The following MYH11 variants were observed in gnomAD, a reference collection of about 807,000 sequenced individuals.
MYH11 encodes the protein myosin-11.
MYH11 carries 80 observed loss-of-function variants against 246.6 expected under a neutral mutation model. The observed-to-expected ratio is 0.32, with a 90% CI of 0.27 to 0.39. The LOEUF (loss-of-function observed/expected upper bound fraction) is 0.39. MYH11 is among the 10% of genes least tolerant of loss of function. The pLI is 1.00. For synonymous variants in MYH11, 1,071 were observed against 1,015.5 expected, an observed-to-expected ratio of 1.05 and a Z score of -1.04; for missense variants, 2,158 against 2,546.8, an observed-to-expected ratio of 0.85 and a Z score of 3.29.
chr16:15,848,324 T>G (rs1274993520), intron 1 of MYH11, among the ~76,000 whole-genome samples: 1 of 151,094 alleles, frequency 6.6e-6, no homozygotes, highest in Non-Finnish European at 1.5e-5. Flanking sequence ...CCTCCACGTT[T>G]CTGGGTTCAA....
At chr16:15,773,044 G>A (rs143628675) in intron 8 of MYH11, among the ~76,000 whole-genome samples, 8 of 152,078 alleles carry the variant, frequency 5.3e-5, no homozygotes, top group Middle Eastern at 3.4e-3. Context: ...TGTAATACAC[G>A]TGAATCATCC....
At position 15,780,474 on chromosome 16, in the gene MYH11, C is replaced by CTTTTTTTTT. The variant is rs71134460; in HGVS notation, c.727-1640_727-1632dup. 2.9e-4 allele frequency among the ~76,000 whole-genome samples: 20 copies of CTTTTTTTTT among 69,002 alleles called. 1 individual carries two copies. Among genetic ancestry groups the CTTTTTTTTT allele is most frequent in the African/African-American group, 8.6e-4 (14 of 16,314 alleles). The allele number at this position is 69,002 out of a possible 152,430, so 45.3% of individuals were successfully genotyped here. A position where few individuals can be genotyped will look rare whatever the true frequency, so the allele number is the denominator to read the frequency against. ...ACCTTTATGACTTTAGATTTTTACG[C>CTTTTTTTTT]TTTTTTTTTTTTTTTTTTTTTTTTG... On this transcript the variant is annotated intron_variant, in intron 6 of 40. Coordinates refer to ENST00000300036, the MANE Select transcript of MYH11 (RefSeq NM_002474.3).
In MYH11 at chr16:15,842,762, C is replaced by CAAAAAAAAAAA. The variant is rs757920488; in HGVS notation, c.-17-4504_-17-4494dup. ...CCAGGCAACAGAGCAAGACTTCATC[C>CAAAAAAAAAAA]AAAAAAAAAAAAAAAAAAAAAAAAA... On this transcript the variant is annotated intron_variant, in intron 1 of 40. Coordinates refer to ENST00000300036, the MANE Select transcript of MYH11 (RefSeq NM_002474.3). 3.0e-4 allele frequency among the ~76,000 whole-genome samples: 6 copies of CAAAAAAAAAAA among 19,674 alleles called. 2 individuals carry two copies. The highest frequency in any genetic ancestry group is 6.5e-4 in the African/African-American group (6 of 9,196). 12.9% of individuals were successfully genotyped at this position (19,674 alleles called of 152,430 possible). A position where few individuals can be genotyped will look rare whatever the true frequency, so the allele number is the denominator to read the frequency against.
chr16:15,845,846 C>A (rs1457750978), intron 1 of MYH11, among the ~76,000 whole-genome samples: 1 of 152,082 alleles, frequency 6.6e-6, no homozygotes, highest in Non-Finnish European at 1.5e-5. Context: ...AATCCCAGAA[C>A]TTTGGGAGGC....
At chr16:15,815,451 A>G (rs2043241287) in intron 3 of MYH11, among the ~76,000 whole-genome samples, 2 of 152,200 alleles carry the variant, frequency 1.3e-5, no homozygotes, top group Non-Finnish European at 2.9e-5. Flanking sequence ...GGTTAGGGAA[A>G]AAAGTTGAGG....
At chr16:15,717,459 G>C (rs545733842) in intron 37 of MYH11, 111 bp from the exon 38 acceptor site, 8 of 1,116,518 alleles carry the variant, frequency 7.2e-6, no homozygotes, top group Admixed American at 4.0e-5. Context: ...CCTTGATCCC[G>C]GGCACCCTGT....
At chr16:15,736,080 G>T (rs561245486) in intron 25 of MYH11, among the ~76,000 whole-genome samples, 4 of 152,330 alleles carry the variant, frequency 2.6e-5, no homozygotes, top group African/African-American at 7.2e-5. Flanking sequence ...AAGGTGGGCT[G>T]CAAGAAGCCC....
chr16:15,819,594 C>T (rs2043350425), intron 3 of MYH11, among the ~76,000 whole-genome samples: 1 of 152,180 alleles, frequency 6.6e-6, no homozygotes, highest in African/African-American at 2.4e-5. Flanking sequence ...TCTCCCATCA[C>T]CCCCAGATGG....
intron 20 of MYH11, among the ~76,000 whole-genome samples, chr16:15,744,428 T>A (rs980914887): frequency 1.3e-5 from 2 of 151,860 alleles, no homozygotes; most frequent in Non-Finnish European, 2.9e-5. Context: ...TTCTTGACTT[T>A]GTGATCCACC....
intron 27 of MYH11, chr16:15,732,338 GA>G (rs2040989962): frequency 1.6e-6 from 1 of 630,700 alleles, no homozygotes; most frequent in Admixed American, 2.6e-5. Flanking sequence ...GAGCTCAAGC[GA>G]TCCTCCCGCC....
At position 15,724,330 on chromosome 16, in the gene MYH11, T is replaced by G. The variant is rs748003956; in HGVS notation, c.4196A>C (p.Lys1399Thr). Residue 1399 changes from lysine to threonine, a missense_variant, in exon 31 of 41, where the codon AAG becomes ACG. Coordinates refer to ENST00000300036, the MANE Select transcript of MYH11 (RefSeq NM_002474.3). Reference sequence around the variant, plus strand: ...CTGCTGGGTGAGGTTCTCGATCTCCTTCTGGAACCTCTTCTTCCCCTCTTC... The same window carrying G: ...CTGCTGGGTGAGGTTCTCGATCTCCGTCTGGAACCTCTTCTTCCCCTCTTC... Reference protein sequence around the residue: ...ALEEGKKRFQKEIENLTQQYE... With the variant: ...ALEEGKKRFQTEIENLTQQYE... 1 of 1,614,172 alleles carries G rather than the reference T, an allele frequency of 6.2e-7. No individual in the cohort carries two copies. The highest frequency in any genetic ancestry group is 1.1e-5 in the South Asian group (1 of 91,090).
intron 3 of MYH11, among the ~76,000 whole-genome samples, chr16:15,803,540 G>C (rs2042938392): frequency 1.3e-5 from 2 of 152,088 alleles, no homozygotes; most frequent in Admixed American, 1.3e-4. Context: ...GCCTCCCAAA[G>C]TACTAAAAAG....
Position 15,708,122 on chromosome 16 carries a change from T to G in MYH11, c.5787-3999A>C, listed in dbSNP as rs1596673157. On this transcript the variant is annotated intron_variant, in intron 40 of 40. Coordinates refer to ENST00000300036, the MANE Select transcript of MYH11 (RefSeq NM_002474.3). ...TCCAGAAAAGGCTCTGCCAGGACTG[T>G]GCTTGGCTTTGCGGTGGTCAGCTTC... Among the ~76,000 whole-genome samples, 5 of 152,236 alleles carry G rather than the reference T, an allele frequency of 3.3e-5. No individual in the cohort carries two copies. The South Asian group carries it at 8.3e-4, about 25-fold the overall frequency.
rs2042013098 is a variant in MYH11, at chr16:15,767,661, T to C, written c.1034-3770A>G. Among the ~76,000 whole-genome samples, 3 of 152,154 alleles carry C rather than the reference T, an allele frequency of 2.0e-5. No homozygotes were observed. The South Asian group carries it at 6.2e-4, about 32-fold the overall frequency. The stretch of plus-strand genomic sequence containing the variant: ...TTTGGAAAAAATCGGTCTTCGCAGA[T>C]GGAATCAAGTACAAGATCTCAAGAT... On this transcript the variant is annotated intron_variant, in intron 9 of 40. Transcript: ENST00000300036.
chr16:15,772,291 C>T (rs944210026), intron 8 of MYH11, among the ~76,000 whole-genome samples: 1 of 151,806 alleles, frequency 6.6e-6, no homozygotes, highest in Non-Finnish European at 1.5e-5. Flanking sequence ...GGGGTTTCAC[C>T]ATGTTGACCA....
Position 15,724,730 on chromosome 16 carries a change from G to A in MYH11, c.4033C>T (p.Arg1345Trp), listed in dbSNP as rs1378528408. The stretch of plus-strand genomic sequence containing the variant: ...TCCAGCTGGTCTTGCAGGCTGTTCC[G>A]CTCCTCCTCCAGCTGGCGCAGCTTC... ...STKLRQLEEERNSLQDQLDEE... is the reference protein window; with the variant it reads ...STKLRQLEEEWNSLQDQLDEE... Residue 1345 changes from arginine (R) to tryptophan (W), a missense_variant, in exon 30 of 41, where the codon CGG becomes TGG. By Grantham distance (101) the Arg-to-Trp change is moderately radical. Transcript: ENST00000300036. 2.5e-6 allele frequency: 4 copies of A among 1,614,146 alleles called. No homozygotes were observed. Among genetic ancestry groups the A allele is most frequent in the Admixed American group, 1.7e-5 (1 of 60,018 alleles).
At chr16:15,737,695 C>T in intron 24 of MYH11, 75 bp from the exon 25 acceptor site, 1 of 1,550,180 alleles carries the variant, frequency 6.5e-7, no homozygotes, top group Non-Finnish European at 8.8e-7. Context: ...CCTGCCCAGG[C>T]ATTTTACCCG....
intron 40 of MYH11, among the ~76,000 whole-genome samples, chr16:15,711,840 G>A (rs767748812): frequency 5.3e-5 from 8 of 152,012 alleles, no homozygotes; most frequent in Non-Finnish European, 7.4e-5. Context: ...TTACAGGCAC[G>A]CCCCACCATA....
chr16:15,851,080 T>C (rs1442877494), intron 1 of MYH11, among the ~76,000 whole-genome samples: 2 of 151,948 alleles, frequency 1.3e-5, no homozygotes, highest in Non-Finnish European at 2.9e-5. Flanking sequence ...AATAAACGAA[T>C]GAATGAATGC....
Sources: gnomAD v4.1 joint callset for allele counts (sites outside exome capture counted in the v4.1 genomes callset) on GRCh38, gnomAD v4.1.1 for gene constraint, MANE v1.5 for transcripts, NCBI Gene and HGNC (gene_info 2026-07-23, HGNC 2026-07-21) for gene names.